LINGO2: variants seen among roughly 807,000 people sequenced by gnomAD.
LINGO2 encodes the protein leucine rich repeat and Ig domain containing 2.
In LINGO2, 14 loss-of-function variants were observed where a neutral mutation model predicts 30.6. The observed-to-expected ratio is 0.46, with a 90% confidence interval of 0.30 to 0.72. The LOEUF is 0.72. Among genes scored for constraint, LINGO2 ranks in the 30% least tolerant of loss-of-function variants. The pLI is 0.07. For missense variants in LINGO2, 729 were observed against 751.7 expected (o/e 0.97, Z 0.35); for synonymous variants, 317 against 288.5 (o/e 1.10, Z -1.00).
the LINGO2 span, among the ~76,000 whole-genome samples, chr9:29,210,859 T>C: frequency 6.6e-6 from 1 of 152,200 alleles, no homozygotes; most frequent in Non-Finnish European, 1.5e-5. Flanking sequence ...GAACAGGAAG[T>C]ACATTTTTTT....
intron 3 of LINGO2, among the ~76,000 whole-genome samples, chr9:28,352,242 C>T (rs1404675197): frequency 3.3e-5 from 5 of 151,502 alleles, no homozygotes; most frequent in East Asian, 1.9e-4. Flanking sequence ...GATTGTATAT[C>T]TAGAAAACCC....
the LINGO2 span, among the ~76,000 whole-genome samples, chr9:29,047,944 C>T: frequency 7.0e-6 from 1 of 143,066 alleles, no homozygotes; most frequent in African/African-American, 2.5e-5. Context: ...TCTCCCAAAA[C>T]AACAACAACA....
At chr9:28,226,473 C>G (rs531958623) in intron 4 of LINGO2, among the ~76,000 whole-genome samples, 8 of 151,674 alleles carry the variant, frequency 5.3e-5, no homozygotes, top group Non-Finnish European at 1.2e-4. Context: ...TTTTCTCTTA[C>G]CAGGTAGAGT....
At chr9:28,850,803 C>A in the LINGO2 span, among the ~76,000 whole-genome samples, 5 of 152,086 alleles carry the variant, frequency 3.3e-5, no homozygotes, top group South Asian at 1.0e-3. Flanking sequence ...TGAATAGGAG[C>A]ATCCAATGAG....
At chr9:29,077,730 A>G in the LINGO2 span, among the ~76,000 whole-genome samples, 2 of 152,048 alleles carry the variant, frequency 1.3e-5, no homozygotes, top group Non-Finnish European at 2.9e-5. Context: ...AGGGCTTTTA[A>G]GAGCAGATGA....
At chr9:29,151,556 G>C in the LINGO2 span, among the ~76,000 whole-genome samples, 2 of 151,840 alleles carry the variant, frequency 1.3e-5, no homozygotes, top group Non-Finnish European at 2.9e-5. Flanking sequence ...TAAAGGAGTG[G>C]AGAAACATCT....
the LINGO2 span, among the ~76,000 whole-genome samples, chr9:28,858,368 G>T: frequency 6.6e-6 from 1 of 152,018 alleles, no homozygotes; most frequent in Admixed American, 6.6e-5. Flanking sequence ...CACCCTGGAA[G>T]ATTTTATATG....
At chr9:28,242,483 C>A (rs1163765737) in intron 4 of LINGO2, among the ~76,000 whole-genome samples, 1 of 151,838 alleles carries the variant, frequency 6.6e-6, no homozygotes, top group East Asian at 1.9e-4. Context: ...GTAAAAAGAC[C>A]AAACCAACGA....
chr9:28,160,369 A>C (rs1428388279), intron 4 of LINGO2, among the ~76,000 whole-genome samples: 1 of 152,202 alleles, frequency 6.6e-6, no homozygotes, highest in African/African-American at 2.4e-5. Context: ...AAATAAAAGA[A>C]AGGGGAGAAA....
intron 2 of LINGO2, among the ~76,000 whole-genome samples, chr9:28,469,093 T>C (rs796503122): frequency 7.2e-5 from 11 of 152,054 alleles, no homozygotes; most frequent in African/African-American, 2.7e-4. Flanking sequence ...ATAATTAAAA[T>C]ATCGATAAAT....
At chr9:28,496,050 T>C (rs1278704998) in intron 1 of LINGO2, among the ~76,000 whole-genome samples, 1 of 151,586 alleles carries the variant, frequency 6.6e-6, no homozygotes, top group East Asian at 2.0e-4. Flanking sequence ...TCCATTCTTT[T>C]ACATTTGCTG....
intron 1 of LINGO2, among the ~76,000 whole-genome samples, chr9:28,547,602 CAT>C (rs1822018010): frequency 6.6e-6 from 1 of 152,012 alleles, no homozygotes; most frequent in South Asian, 2.1e-4. Flanking sequence ...TTAAATGACA[CAT>C]GGAAATTAAG....
intron 4 of LINGO2, among the ~76,000 whole-genome samples, chr9:28,253,871 G>T (rs1362394672): frequency 6.6e-6 from 1 of 152,106 alleles, no homozygotes; most frequent in African/African-American, 2.4e-5. Context: ...AATGTGCACG[G>T]GTGGAGCCAC....
the LINGO2 span, among the ~76,000 whole-genome samples, chr9:28,977,333 C>T: frequency 0.087 from 13,156 of 151,902 alleles, 771 homozygotes; most frequent in African/African-American, 0.16. Flanking sequence ...AATTTCTTAT[C>T]TCTGTGGGAG....
At chr9:29,045,006 CCTT>C in the LINGO2 span, among the ~76,000 whole-genome samples, 1 of 151,998 alleles carries the variant, frequency 6.6e-6, no homozygotes, top group African/African-American at 2.4e-5. Flanking sequence ...CTATATTCAT[CCTT>C]CTTCTTGTGA....
intron 1 of LINGO2, among the ~76,000 whole-genome samples, chr9:28,491,857 T>C (rs1246761538): frequency 6.6e-6 from 1 of 152,228 alleles, no homozygotes; most frequent in Non-Finnish European, 1.5e-5. Context: ...TATAATCTTA[T>C]GAGTAAAAAT....
At chr9:28,261,768 G>A (rs1213436684) in intron 4 of LINGO2, among the ~76,000 whole-genome samples, 2 of 151,850 alleles carry the variant, frequency 1.3e-5, no homozygotes, top group Non-Finnish European at 2.9e-5. Context: ...CTGCAATATA[G>A]AAAATTAATA....
intron 4 of LINGO2, among the ~76,000 whole-genome samples, chr9:28,093,063 A>G (rs1335822737): frequency 6.6e-6 from 1 of 152,012 alleles, no homozygotes; most frequent in Admixed American, 6.6e-5. Context: ...TAAGATTTAA[A>G]CCCAGGTAGT....
At chr9:28,839,154 C>T in the LINGO2 span, among the ~76,000 whole-genome samples, 3 of 152,196 alleles carry the variant, frequency 2.0e-5, no homozygotes, top group African/African-American at 7.2e-5. Flanking sequence ...TCTCTTTCTC[C>T]CTTCTTTCCT....
Sources: allele counts gnomAD v4.1 joint callset (sites outside exome capture counted in the v4.1 genomes callset), GRCh38; gene constraint gnomAD v4.1.1; transcripts MANE v1.5; gene names NCBI Gene and HGNC (gene_info 2026-07-23, HGNC 2026-07-21).